Variants in HIBADH observed in about 807,000 individuals in gnomAD.
The protein encoded by HIBADH is 3-hydroxyisobutyrate dehydrogenase, also known as 3-hydroxyisobutyrate dehydrogenase, mitochondrial.
In HIBADH, 25 loss-of-function variants were observed where a neutral mutation model predicts 36.1. The observed-to-expected ratio is 0.69, with a 90% CI of 0.50 to 0.97. The LOEUF (loss-of-function observed/expected upper bound fraction) is 0.97, where lower values mean the gene tolerates loss of function less well. HIBADH is among the 50% of genes least tolerant of loss of function. HIBADH has a pLI of 0.00. For missense variants in HIBADH, 421 were observed against 418.0 expected, an observed-to-expected ratio of 1.01 and a Z score of -0.06; for synonymous variants, 160 against 149.5, an observed-to-expected ratio of 1.07 and a Z score of -0.51.
chr7:27,658,947 C>G lies in HIBADH; in HGVS notation c.91+3751G>C, dbSNP rs569229850. 5.3e-5 allele frequency among the ~76,000 whole-genome samples: 8 copies of G among 152,274 alleles called. No homozygotes were observed. The East Asian group carries it at 1.5e-3, about 29-fold the overall frequency. On this transcript the variant is annotated intron_variant, in intron 1 of 7. Coordinates refer to ENST00000265395, the MANE Select transcript of HIBADH (RefSeq NM_152740.4). ...TAAATACGCTCCTTATGTAATTTCA[C>G]AAGTTTAGGGTCAACTTTTAGGCCC...
intron 4 of HIBADH, among the ~76,000 whole-genome samples, chr7:27,555,729 G>T (rs928659316): frequency 6.6e-6 from 1 of 152,066 alleles, no homozygotes; most frequent in African/African-American, 2.4e-5. Flanking sequence ...TCAATACTAT[G>T]TCAAGAAGTT....
At chr7:27,551,983 G>A (rs1234499248) in intron 4 of HIBADH, among the ~76,000 whole-genome samples, 3 of 152,208 alleles carry the variant, frequency 2.0e-5, no homozygotes, top group African/African-American at 7.2e-5. Flanking sequence ...TTGCTATGGT[G>A]TCTCTATTGT....
At chr7:27,604,456 G>T (rs1157671152) in intron 4 of HIBADH, among the ~76,000 whole-genome samples, 1 of 150,886 alleles carries the variant, frequency 6.6e-6, no homozygotes, top group African/African-American at 2.4e-5. Context: ...TGGCTACATA[G>T]CTCACAAAAG....
At chr7:27,662,587 A>G in intron 1 of HIBADH, 111 bp downstream of exon 1, 1 of 601,524 alleles carries the variant, frequency 1.7e-6, no homozygotes, top group East Asian at 3.5e-5. Context: ...ATTGTTTTTT[A>G]AGCCCCAGCC....
intron 1 of HIBADH, among the ~76,000 whole-genome samples, chr7:27,661,396 T>C (rs893679968): frequency 6.6e-6 from 1 of 152,122 alleles, no homozygotes; most frequent in Non-Finnish European, 1.5e-5. Context: ...AAGACCAGCC[T>C]GGGCAACATG....
chr7:27,586,615 T>TGAAGTG (rs1554297547), intron 4 of HIBADH, among the ~76,000 whole-genome samples: 2 of 150,238 alleles, frequency 1.3e-5, no homozygotes, highest in Non-Finnish European at 3.0e-5. Context: ...TGACCAGAAA[T>TGAAGTG]GAAGGGGAAG....
intron 4 of HIBADH, among the ~76,000 whole-genome samples, chr7:27,605,877 C>T (rs1785216696): frequency 6.6e-6 from 1 of 152,086 alleles, no homozygotes; most frequent in African/African-American, 2.4e-5. Context: ...TGCAATGCCA[C>T]CTGGTGGCAC....
chr7:27,635,068 TTCTCTCTC>T (rs998214040), intron 2 of HIBADH, among the ~76,000 whole-genome samples: 1 of 139,740 alleles, frequency 7.2e-6, no homozygotes, highest in Non-Finnish European at 1.5e-5. Flanking sequence ...CTCTCTCTCT[TTCTCTCTC>T]TCTCTGTGCA....
intron 2 of HIBADH, among the ~76,000 whole-genome samples, chr7:27,638,476 A>C (rs1459744223): frequency 6.6e-6 from 1 of 152,154 alleles, no homozygotes; most frequent in East Asian, 1.9e-4. Context: ...GTAAAACCTA[A>C]AGCTATAAAA....
chr7:27,629,160 T>C (rs1785701111), intron 4 of HIBADH, among the ~76,000 whole-genome samples: 1 of 152,020 alleles, frequency 6.6e-6, no homozygotes, highest in Non-Finnish European at 1.5e-5. Flanking sequence ...ACTTCAAAGT[T>C]ATGACACTTT....
chr7:27,564,913 T>A (rs540601829), intron 4 of HIBADH, among the ~76,000 whole-genome samples: 34 of 152,374 alleles, frequency 2.2e-4, no homozygotes, highest in African/African-American at 7.9e-4. Flanking sequence ...CAGTTACCAA[T>A]TGCATTAATT....
chr7:27,527,213 C>G (rs1486188793), intron 7 of HIBADH, among the ~76,000 whole-genome samples: 2 of 152,092 alleles, frequency 1.3e-5, no homozygotes, highest in South Asian at 2.1e-4. Context: ...GGGGGCTTGT[C>G]AGACAAGTTG....
chr7:27,534,335 T>C (rs781215171), intron 6 of HIBADH, among the ~76,000 whole-genome samples: 1 of 152,184 alleles, frequency 6.6e-6, no homozygotes, highest in Non-Finnish European at 1.5e-5. Flanking sequence ...GATCTGGAAA[T>C]GAAACATCTA....
In HIBADH at chr7:27,635,397, G is replaced by A. The variant is rs117515164; in HGVS notation, c.253-2952C>T. 2.7e-3 allele frequency among the ~76,000 whole-genome samples: 409 copies of A among 152,246 alleles called. 2 individuals carry two copies. Among genetic ancestry groups the A allele is most frequent in the Admixed American group, 4.2e-3 (64 of 15,286 alleles). ...CAAAGACAGCATGGATCAGTGAAAG[G>A]AACACTAATTTGGGAAGCCAGAGAC... On this transcript the variant is annotated intron_variant, in intron 2 of 7. Transcript: ENST00000265395.
chr7:27,541,258 T>C (rs557474186), intron 5 of HIBADH, among the ~76,000 whole-genome samples: 2 of 152,176 alleles, frequency 1.3e-5, no homozygotes, highest in East Asian at 1.9e-4. Context: ...TGTCTCTTGG[T>C]TGGCAGAAGC....
intron 2 of HIBADH, among the ~76,000 whole-genome samples, chr7:27,635,462 T>C (rs563000654): frequency 9.2e-5 from 14 of 152,316 alleles, no homozygotes; most frequent in South Asian, 4.1e-4. Context: ...TCATGGGTGA[T>C]TTTGTGTAAA....
At position 27,569,350 on chromosome 7, in the gene HIBADH, G is replaced by C. The variant is rs1183957331; in HGVS notation, c.485-26250C>G. Among the ~76,000 whole-genome samples, 3 of 152,184 alleles carry C rather than the reference G, an allele frequency of 2.0e-5. No homozygotes were observed. The East Asian group carries it at 5.8e-4, about 29-fold the overall frequency. On this transcript the variant is annotated intron_variant, in intron 4 of 7. Transcript: ENST00000265395. ...CCTTGAGACTTAATCAGACTTTCCT[G>C]GTTCTTTTTGTGTCAAGTAATTTTG...
At chr7:27,646,765 G>C (rs1038053010) in intron 2 of HIBADH, among the ~76,000 whole-genome samples, 1 of 135,202 alleles carries the variant, frequency 7.4e-6, no homozygotes, top group East Asian at 2.2e-4. Flanking sequence ...GTGCAATCTC[G>C]GCTTATTGCA....
At chr7:27,601,535 T>C (rs1785130951) in intron 4 of HIBADH, among the ~76,000 whole-genome samples, 1 of 152,094 alleles carries the variant, frequency 6.6e-6, no homozygotes, top group Non-Finnish European at 1.5e-5. Flanking sequence ...CTCATTGATA[T>C]TTTGTAAAGG....
Sources: gnomAD v4.1 joint callset for allele counts (sites outside exome capture counted in the v4.1 genomes callset) on GRCh38, gnomAD v4.1.1 for gene constraint, MANE v1.5 for transcripts, NCBI Gene and HGNC (gene_info 2026-07-23, HGNC 2026-07-21) for gene names.